CACNA1E: variants seen among roughly 807,000 people sequenced by gnomAD.
CACNA1E encodes calcium voltage-gated channel subunit alpha1 E, also known as voltage-dependent R-type calcium channel subunit alpha-1E.
In CACNA1E, 40 loss-of-function variants were observed where a neutral mutation model predicts 259.2. The ratio of observed to expected loss-of-function variants is 0.15; its 90% confidence interval spans 0.12 to 0.20. The LOEUF (loss-of-function observed/expected upper bound fraction) is 0.20. Among genes scored for constraint, CACNA1E ranks in the 10% least tolerant of loss-of-function variants. CACNA1E has a pLI of 1.00. For synonymous variants in CACNA1E, 1,104 were observed against 1,138.5 expected, an observed-to-expected ratio of 0.97 and a Z score of 0.61; for missense variants, 1,874 against 3,040.1, an observed-to-expected ratio of 0.62 and a Z score of 9.02.
At chr1:181,392,998 T>G (rs1046874508) in intron 1 of CACNA1E, among the ~76,000 whole-genome samples, 6 of 151,864 alleles carry the variant, frequency 4.0e-5, no homozygotes, top group Non-Finnish European at 7.4e-5. Context: ...TGATAAGGAG[T>G]TAATTGCAGA....
At chr1:181,626,311 A>G (rs534451299) in intron 6 of CACNA1E, among the ~76,000 whole-genome samples, 1 of 152,356 alleles carries the variant, frequency 6.6e-6, no homozygotes, top group African/African-American at 2.4e-5. Flanking sequence ...AGTGCAGTAA[A>G]GTACAATAAA....
intron 6 of CACNA1E, among the ~76,000 whole-genome samples, chr1:181,610,845 A>G (rs553197466): frequency 4.7e-4 from 72 of 152,338 alleles, no homozygotes; most frequent in African/African-American, 1.7e-3. Context: ...AGCTATTTTT[A>G]TTGGACTTTT....
In CACNA1E at chr1:181,639,116, C is replaced by G. The variant is rs146216189; in HGVS notation, c.952-12222C>G. 2.5e-3 allele frequency among the ~76,000 whole-genome samples: 380 copies of G among 149,938 alleles called. 3 individuals are homozygous for G. Among genetic ancestry groups the G allele is most frequent in the African/African-American group, 8.8e-3 (359 of 40,610 alleles). ...CCTTTTTTTTTTTTTGAGATGGAGT[C>G]TCGCTATGTCTCCCAGGCTGGAGTG... is the stretch of plus-strand genomic sequence containing the variant. On this transcript the variant is annotated intron_variant, in intron 6 of 47. Transcript: ENST00000367573.
At chr1:181,588,264 C>T (rs1403562885) in intron 6 of CACNA1E, among the ~76,000 whole-genome samples, 1 of 152,212 alleles carries the variant, frequency 6.6e-6, no homozygotes, top group African/African-American at 2.4e-5. Flanking sequence ...TCTTGGTTTC[C>T]TCCTCAGAGT....
chr1:181,696,050 A>C (rs1156812611), intron 7 of CACNA1E, among the ~76,000 whole-genome samples: 3 of 152,212 alleles, frequency 2.0e-5, no homozygotes, highest in Non-Finnish European at 4.4e-5. Context: ...GGCGAGACAA[A>C]TGTTTCTTGG....
At chr1:181,645,884 T>A (rs1156763274) in intron 6 of CACNA1E, among the ~76,000 whole-genome samples, 1 of 152,174 alleles carries the variant, frequency 6.6e-6, no homozygotes, top group African/African-American at 2.4e-5. Context: ...GGAATCCAAG[T>A]CCCTCGGGGT....
At position 181,743,773 on chromosome 1, in the gene CACNA1E, G is replaced by A. The variant is rs1001223590; in HGVS notation, c.3719+4520G>A. Reference sequence around the variant, plus strand: ...CTACAGCACGTTACTTGACTAGCTCGATTCACATGAGCAGGTGAGCGCTCC... The same window carrying A: ...CTACAGCACGTTACTTGACTAGCTCAATTCACATGAGCAGGTGAGCGCTCC... On this transcript the variant is annotated intron_variant, in intron 25 of 47. Transcript: ENST00000367573. 7.2e-5 allele frequency among the ~76,000 whole-genome samples: 11 copies of A among 152,316 alleles called. No individual in the cohort carries two copies. The South Asian group carries it at 8.3e-4, about 11-fold the overall frequency.
At chr1:181,538,224 A>G (rs1668317996) in intron 3 of CACNA1E, among the ~76,000 whole-genome samples, 1 of 152,236 alleles carries the variant, frequency 6.6e-6, no homozygotes, top group Non-Finnish European at 1.5e-5. Flanking sequence ...CTCATATGAT[A>G]TGATTGCAAA....
At position 181,800,615 on chromosome 1, in the gene CACNA1E, C is replaced by G. The variant is rs576796109; in HGVS notation, c.*1781C>G. The G allele has an allele frequency of 7.2e-5, 11 of 152,790 alleles. No individual in the cohort carries two copies. In the East Asian group the frequency reaches 1.5e-3, roughly 21 times the overall value. The allele number at this position is 152,790 out of a possible 1,614,324, so 9.5% of individuals were successfully genotyped here. On this transcript the variant is annotated 3_prime_UTR_variant, in exon 48 of 48. Coordinates refer to ENST00000367573, the MANE Select transcript of CACNA1E (RefSeq NM_001205293.3). ...ACCTGCCACCCAGGATCCTGATCTG[C>G]CCTGCACTGAGCACTCAGTGGATAA...
At chr1:181,755,890 G>T (rs573363124) in intron 28 of CACNA1E, 66 bp from the exon 29 acceptor site, 1 of 1,516,792 alleles carries the variant, frequency 6.6e-7, no homozygotes. Context: ...CCTGTAGAAT[G>T]TGCTGACTCT....
At chr1:181,684,193 A>G (rs542817714) in intron 7 of CACNA1E, among the ~76,000 whole-genome samples, 84 of 152,136 alleles carry the variant, frequency 5.5e-4, no homozygotes, top group Non-Finnish European at 9.4e-4. Context: ...GTGAGATGGT[A>G]TCTCATTGTG....
intron 3 of CACNA1E, among the ~76,000 whole-genome samples, chr1:181,530,889 A>G (rs1667730223): frequency 6.6e-6 from 1 of 152,226 alleles, no homozygotes; most frequent in Non-Finnish European, 1.5e-5. Flanking sequence ...AAATAAGAAT[A>G]GTCAGAAATT....
chr1:181,787,687 AG>A (rs1052869832), intron 43 of CACNA1E, among the ~76,000 whole-genome samples: 1 of 152,222 alleles, frequency 6.6e-6, no homozygotes, highest in Non-Finnish European at 1.5e-5. Flanking sequence ...ACGATGCTGA[AG>A]GGTGGGCTGT....
At chr1:181,508,331 A>G (rs545949293) in intron 1 of CACNA1E, among the ~76,000 whole-genome samples, 45 of 152,314 alleles carry the variant, frequency 3.0e-4, no homozygotes, top group Middle Eastern at 3.4e-3. Flanking sequence ...TCTTAGGAAT[A>G]CCACTCTCAA....
chr1:181,405,960 G>A (rs948022900), intron 1 of CACNA1E, among the ~76,000 whole-genome samples: 6 of 152,180 alleles, frequency 3.9e-5, no homozygotes, highest in Non-Finnish European at 5.9e-5. Flanking sequence ...AAATACAGCC[G>A]TATCCATTTG....
chr1:181,530,186 C>T (rs1006282615), intron 3 of CACNA1E, among the ~76,000 whole-genome samples: 1 of 152,068 alleles, frequency 6.6e-6, no homozygotes, highest in Non-Finnish European at 1.5e-5. Context: ...TCCACTTTTG[C>T]TTCTTCCTTA....
intron 7 of CACNA1E, among the ~76,000 whole-genome samples, chr1:181,690,603 C>T (rs1651050038): frequency 1.3e-5 from 2 of 152,132 alleles, no homozygotes; most frequent in Non-Finnish European, 1.5e-5. Context: ...TCTTCCCATC[C>T]AAGAGCATGG....
intron 1 of CACNA1E, among the ~76,000 whole-genome samples, chr1:181,353,931 A>G (rs1049837856): frequency 2.0e-5 from 3 of 152,226 alleles, no homozygotes; most frequent in African/African-American, 7.2e-5. Context: ...ATTATTTGCT[A>G]TGTACCTGTA....
chr1:181,674,730 T>C (rs1347034048), intron 7 of CACNA1E, among the ~76,000 whole-genome samples: 1 of 152,094 alleles, frequency 6.6e-6, no homozygotes, highest in Non-Finnish European at 1.5e-5. Context: ...GACCTGACCA[T>C]CTCTCTCAAG....
Sources: allele counts gnomAD v4.1 joint callset (sites outside exome capture counted in the v4.1 genomes callset), GRCh38; gene constraint gnomAD v4.1.1; transcripts MANE v1.5; gene names NCBI Gene and HGNC (gene_info 2026-07-23, HGNC 2026-07-21).